ASPSCR1: variants seen among roughly 807,000 people sequenced by gnomAD.
ASPSCR1 encodes the protein tether containing UBX domain for GLUT4.
In ASPSCR1, 55 loss-of-function variants were observed where a neutral mutation model predicts 68.9. That is an observed-to-expected ratio of 0.80 (90% CI 0.64 to 1.00). ASPSCR1 has a LOEUF of 1.00. Among genes scored for constraint, ASPSCR1 ranks in the 50% least tolerant of loss-of-function variants. The pLI is 0.00. For missense variants in ASPSCR1, 765 were observed against 762.2 expected, an observed-to-expected ratio of 1.00 and a Z score of -0.04; for synonymous variants, 352 against 332.6, an observed-to-expected ratio of 1.06 and a Z score of -0.63.
intron 12 of ASPSCR1, chr17:82,016,275 C>A (rs1026615876): frequency 5.0e-6 from 3 of 596,728 alleles, no homozygotes; most frequent in Non-Finnish European, 8.9e-6. Context: ...ATGGAGGGCG[C>A]TGGTCCCAGG....
intron 7 of ASPSCR1, chr17:82,004,883 G>A (rs1253621022): frequency 1.3e-5 from 2 of 152,288 alleles, no homozygotes; most frequent in African/African-American, 4.8e-5. Flanking sequence ...AGGCACTGGT[G>A]TCCGGGGGCA....
chr17:82,012,554 C>G (rs1038306786), intron 12 of ASPSCR1, among the ~76,000 whole-genome samples: 1 of 152,092 alleles, frequency 6.6e-6, no homozygotes, highest in Non-Finnish European at 1.5e-5. Flanking sequence ...GAGGTCTCGG[C>G]CCCCCTGGGC....
At position 82,012,237 on chromosome 17, in the gene ASPSCR1, C is replaced by A. The variant is rs754862623; in HGVS notation, c.1307C>A (p.Thr436Asn). 3 of 1,613,494 alleles carry A rather than the reference C, an allele frequency of 1.9e-6. No individual in the cohort carries two copies. Among genetic ancestry groups the A allele is most frequent in the Non-Finnish European group, 2.5e-6 (3 of 1,179,912 alleles). Reference sequence around the variant, plus strand: ...AGGTGCCTTCTCTCCTCAGTCATCACCCCTCCAAAAACAGTCCTGGACGAC... The same window carrying A: ...AGGTGCCTTCTCTCCTCAGTCATCAACCCTCCAAAAACAGTCCTGGACGAC... ...NPELSFYLFI[T>N]PPKTVLDDHT... Residue 436 changes from threonine to asparagine, a missense_variant, in exon 12 of 16, where the codon ACC (threonine) becomes AAC (asparagine). Transcript: ENST00000306739.
chr17:82,015,554 A>T (rs2043094672), intron 12 of ASPSCR1: 1 of 722,708 alleles, frequency 1.4e-6, no homozygotes, highest in African/African-American at 1.8e-5. Flanking sequence ...GCCTCTCTGC[A>T]TCGGTGGCCT....
Position 81,990,302 on chromosome 17 carries a change from G to A in ASPSCR1, c.375-4519G>A, listed in dbSNP as rs1028488617. On this transcript the variant is annotated intron_variant, in intron 4 of 15. Coordinates refer to ENST00000306739, the MANE Select transcript of ASPSCR1 (RefSeq NM_024083.4). This position sits in a 1 kb window ranked among gnomAD's most constrained non-coding sequence, Gnocchi z 4.1. ...TGGGCCGGGTCCTCGTGGACTGGGC[G>A]CTCTCCACTCTGCTTCTCAGGCTCT... Among the ~76,000 whole-genome samples the A allele has an allele frequency of 2.6e-5, 4 of 152,182 alleles. No homozygotes were observed. The highest frequency in any genetic ancestry group is 5.9e-5 in the Non-Finnish European group (4 of 68,028).
intron 7 of ASPSCR1, among the ~76,000 whole-genome samples, chr17:82,001,974 ATTTTTCTTTTCTTTTT>A (rs1435399001): frequency 4.6e-5 from 4 of 87,748 alleles, no homozygotes; most frequent in Non-Finnish European, 1.0e-4. Context: ...TCCTGTTCTT[ATTTTTCTTTTCTTTTT>A]TTTTTCTTTT....
rs1408162627 is a variant in ASPSCR1, at chr17:81,977,896, CG to C, written c.102+149del. 2.0e-6 allele frequency: 1 copy of C among 502,506 alleles called. No homozygotes were observed. Among genetic ancestry groups the C allele is most frequent in the African/African-American group, 2.0e-5 (1 of 49,132 alleles). The allele number at this position is 502,506 out of a possible 1,614,324, so 31.1% of individuals were successfully genotyped here. On this transcript the variant is annotated intron_variant, in intron 1 of 15. Coordinates refer to ENST00000306739, the MANE Select transcript of ASPSCR1 (RefSeq NM_024083.4). This position sits in a 1 kb window ranked among gnomAD's most constrained non-coding sequence, Gnocchi z 5.0. ...CTGAGCGGCGGCCCCGCCCCCTGCT[CG>C]CCGTCACCTGCGCTTCCGCTGGGGT...
intron 7 of ASPSCR1, among the ~76,000 whole-genome samples, chr17:81,998,357 G>A (rs879940018): frequency 9.2e-5 from 14 of 152,248 alleles, no homozygotes; most frequent in South Asian, 4.1e-4. Flanking sequence ...TTCTAGTGGC[G>A]TCTTGGTTTC....
chr17:82,000,957 G>T (rs952735178), intron 7 of ASPSCR1, among the ~76,000 whole-genome samples: 1 of 152,142 alleles, frequency 6.6e-6, no homozygotes, highest in Non-Finnish European at 1.5e-5. Flanking sequence ...CTGATCAAAG[G>T]CTGGGTCTGC....
chr17:81,988,259 G>A (rs565447975), intron 4 of ASPSCR1, among the ~76,000 whole-genome samples: 2 of 151,948 alleles, frequency 1.3e-5, no homozygotes, highest in Non-Finnish European at 2.9e-5. Context: ...TCAGGAGTTC[G>A]AGACCAGCCT....
In ASPSCR1 at chr17:81,977,713, AC is replaced by A; in HGVS notation, c.68del (p.Thr23ArgfsTer2). ...GCTGGCCCCGAACGGCCGGCGCCACACGGTGAAGGTGACGCCGAGCACCGTG... is the reference window on the plus strand; with the variant it reads ...GCTGGCCCCGAACGGCCGGCGCCACAGGTGAAGGTGACGCCGAGCACCGTG... ...SVLAPNGRRH[T>X]VKVTPSTVLL... is the part of the protein sequence containing the mutation. On this transcript the variant is annotated frameshift_variant, in exon 1 of 16. Transcript: ENST00000306739. LOFTEE classifies it high-confidence loss of function. The surrounding 1 kb of genome is among the most constrained non-coding windows in gnomAD (Gnocchi z 5.0). 1 of 1,348,574 alleles carries A rather than the reference AC, an allele frequency of 7.4e-7. No homozygotes were observed. The highest frequency in any genetic ancestry group is 9.6e-7 in the Non-Finnish European group (1 of 1,043,814). The allele number at this position is 1,348,574 out of a possible 1,614,324, so 83.5% of individuals were successfully genotyped here. A position where few individuals can be genotyped will look rare whatever the true frequency, so the allele number is the denominator to read the frequency against.
chr17:82,005,089 C>G (rs2042667525), intron 7 of ASPSCR1: 2 of 152,316 alleles, frequency 1.3e-5, no homozygotes, highest in African/African-American at 4.8e-5. Context: ...GCTCTCGCCT[C>G]TGCCAGAGCA....
Position 81,985,505 on chromosome 17 carries a change from A to T in ASPSCR1, c.274-2A>T. 2 of 1,613,904 alleles carry T rather than the reference A, an allele frequency of 1.2e-6. No homozygotes were observed. The highest frequency in any genetic ancestry group is 1.7e-6 in the Non-Finnish European group (2 of 1,179,894). ...AAGTTTCTCATGTCTTATACCCTCC[A>T]GGTTCGCATCGCTTTGCAGCTGGAC... On this transcript the variant is annotated splice_acceptor_variant, in intron 3 of 15. Transcript: ENST00000306739. LOFTEE classifies it high-confidence loss of function.
At position 82,016,494 on chromosome 17, in the gene ASPSCR1, GCTCTGGTGCA is replaced by G. The variant is rs1568000149; in HGVS notation, c.1375_1384del (p.Leu459TrpfsTer74). 6.5e-7 allele frequency: 1 copy of G among 1,549,062 alleles called. No individual in the cohort carries two copies. Among genetic ancestry groups the G allele is most frequent in the South Asian group, 1.2e-5 (1 of 84,048 alleles). ...CCTGCAGGCGAACCTCTTCCCGGCC[GCTCTGGTGCA>G]CTTGGGAGCCGAGGAGCCGGCAGGT... On this transcript the variant is annotated frameshift_variant, in exon 13 of 16. Transcript: ENST00000306739. LOFTEE classifies it high-confidence loss of function.
chr17:82,012,407 T>G, intron 12 of ASPSCR1, 124 bp downstream of exon 12: 1 of 1,177,652 alleles, frequency 8.5e-7, no homozygotes, highest in Non-Finnish European at 1.2e-6. Flanking sequence ...ATAAAGCCTT[T>G]GAGAGCCGGT....
chr17:81,985,575 C>T lies in ASPSCR1; in HGVS notation c.342C>T (p.Leu114=), dbSNP rs1567958471. 1 of 1,614,044 alleles carries T rather than the reference C, an allele frequency of 6.2e-7. No homozygotes were observed. The highest frequency in any genetic ancestry group is 8.5e-7 in the Non-Finnish European group (1 of 1,180,026). Residue 114 remains leucine, a synonymous_variant, in exon 4 of 16, where the codon CTC becomes CTT. Transcript: ENST00000306739. ...ACTCTTTCTGTTCAGGCCAGACCCT[C>T]TGGGAGCTTCTCAGCCATTTTCCAC... The part of the protein sequence containing the change: ...LQDSFCSGQT[L]WELLSHFPQI...
chr17:82,001,319 C>T (rs2042522124), intron 7 of ASPSCR1, among the ~76,000 whole-genome samples: 1 of 152,170 alleles, frequency 6.6e-6, no homozygotes, highest in South Asian at 2.1e-4. Context: ...CAGGAGCCCC[C>T]ACATCCGACG....
intron 7 of ASPSCR1, among the ~76,000 whole-genome samples, chr17:81,998,509 G>A (rs2042429479): frequency 6.6e-6 from 1 of 152,092 alleles, no homozygotes; most frequent in Admixed American, 6.6e-5. Flanking sequence ...GGAATTACTA[G>A]TCATTTCTCT....
chr17:81,988,813 C>T (rs1228300683), intron 4 of ASPSCR1, among the ~76,000 whole-genome samples: 1 of 152,204 alleles, frequency 6.6e-6, no homozygotes, highest in African/African-American at 2.4e-5. Flanking sequence ...GGCAGGGTTG[C>T]AGCAGAGTGT....
Sources: allele counts gnomAD v4.1 joint callset (sites outside exome capture counted in the v4.1 genomes callset), GRCh38; gene constraint gnomAD v4.1.1; non-coding constraint Gnocchi (gnomAD v3.1); transcripts MANE v1.5; gene names NCBI Gene and HGNC (gene_info 2026-07-23, HGNC 2026-07-21).